Variants in NR3C2 observed in about 807,000 individuals in gnomAD.
NR3C2 encodes mineralocorticoid receptor.
Under a neutral mutation model 86.4 loss-of-function variants are expected in NR3C2, and 15 were observed. The ratio of observed to expected loss-of-function variants is 0.17; its 90% confidence interval spans 0.12 to 0.27. The LOEUF (loss-of-function observed/expected upper bound fraction) is 0.27, where lower values mean the gene tolerates loss of function less well. Among genes scored for constraint, NR3C2 ranks in the 10% least tolerant of loss-of-function variants. NR3C2 has a pLI of 1.00. For missense variants in NR3C2, 960 were observed against 1,195.6 expected, an observed-to-expected ratio of 0.80 and a Z score of 2.91; for synonymous variants, 458 against 450.5, an observed-to-expected ratio of 1.02 and a Z score of -0.21.
At chr4:148,143,531 C>T (rs1420264248) in intron 6 of NR3C2, among the ~76,000 whole-genome samples, 1 of 152,176 alleles carries the variant, frequency 6.6e-6, no homozygotes, top group East Asian at 1.9e-4. Context: ...TAGAACAGTG[C>T]TTAATACACG....
intron 2 of NR3C2, among the ~76,000 whole-genome samples, chr4:148,434,199 T>C (rs1453551054): frequency 1.3e-5 from 2 of 152,106 alleles, no homozygotes; most frequent in Non-Finnish European, 2.9e-5. Flanking sequence ...CTTTATATAG[T>C]CCATAAAGGA....
At chr4:148,418,514 TCC>T (rs61758339) in intron 2 of NR3C2, among the ~76,000 whole-genome samples, 2,783 of 152,328 alleles carry the variant, frequency 0.018, 27 homozygotes, top group Middle Eastern at 0.031. Context: ...TAGAAGAATT[TCC>T]TCTCTCTACA....
intron 3 of NR3C2, among the ~76,000 whole-genome samples, chr4:148,254,628 A>C (rs1049025851): frequency 6.6e-6 from 1 of 152,212 alleles, no homozygotes; most frequent in African/African-American, 2.4e-5. Context: ...AAAATCATAG[A>C]TATAACCTAC....
At chr4:148,372,460 T>C (rs1746465669) in intron 2 of NR3C2, among the ~76,000 whole-genome samples, 1 of 151,594 alleles carries the variant, frequency 6.6e-6, no homozygotes, top group African/African-American at 2.4e-5. Flanking sequence ...TCCCCAAAAA[T>C]GAACAGATGA....
chr4:148,234,440 G>A (rs1326690457), intron 3 of NR3C2, among the ~76,000 whole-genome samples: 1 of 152,112 alleles, frequency 6.6e-6, no homozygotes, highest in Non-Finnish European at 1.5e-5. Flanking sequence ...GGAAGGCTGA[G>A]GTGGGCAGAT....
chr4:148,209,181 T>C (rs1458549376), intron 3 of NR3C2, among the ~76,000 whole-genome samples: 1 of 150,982 alleles, frequency 6.6e-6, no homozygotes, highest in Non-Finnish European at 1.5e-5. Flanking sequence ...GAGGCAGAGG[T>C]TGCAGTGAGC....
chr4:148,424,781 G>T (rs1235301105), intron 2 of NR3C2, among the ~76,000 whole-genome samples: 1 of 152,050 alleles, frequency 6.6e-6, no homozygotes, highest in African/African-American at 2.4e-5. Context: ...TGAGGAAAAG[G>T]GTTGACCAAG....
chr4:148,352,865 T>C (rs1434313053), intron 2 of NR3C2, among the ~76,000 whole-genome samples: 1 of 152,180 alleles, frequency 6.6e-6, no homozygotes, highest in Non-Finnish European at 1.5e-5. Context: ...GATTCTTATG[T>C]AATGTGATTT....
At chr4:148,226,711 C>A (rs926407211) in intron 3 of NR3C2, among the ~76,000 whole-genome samples, 2 of 152,106 alleles carry the variant, frequency 1.3e-5, no homozygotes, top group Non-Finnish European at 2.9e-5. Flanking sequence ...GTGAAGCATG[C>A]GAGTTCCAGC....
At chr4:148,207,828 T>TAC (rs1282039574) in intron 3 of NR3C2, among the ~76,000 whole-genome samples, 1 of 152,032 alleles carries the variant, frequency 6.6e-6, no homozygotes, top group Admixed American at 6.6e-5. Context: ...TGTTTTCCTA[T>TAC]ACACACACAC....
In NR3C2 at chr4:148,372,004, C is replaced by T. The variant is rs146119510; in HGVS notation, c.1757+63100G>A. On this transcript the variant is annotated intron_variant, in intron 2 of 8. Coordinates refer to ENST00000358102, the MANE Select transcript of NR3C2 (RefSeq NM_000901.5). ...TACCAACTACAGTTGGCCTCCTAGT[C>T]AGAACAGAAATAACAAGGGATAAAC... is the stretch of plus-strand genomic sequence containing the variant. Among the ~76,000 whole-genome samples, 140 of 152,152 alleles carry T rather than the reference C, an allele frequency of 9.2e-4. No individual in the cohort carries two copies. The East Asian group carries it at 0.026, about 29-fold the overall frequency.
intron 3 of NR3C2, among the ~76,000 whole-genome samples, chr4:148,210,225 C>G (rs1234066052): frequency 1.3e-5 from 2 of 152,068 alleles, no homozygotes; most frequent in East Asian, 3.9e-4. Flanking sequence ...GAGTCTTGCT[C>G]TGTCACCCAG....
At chr4:148,390,441 T>G (rs1258349378) in intron 2 of NR3C2, among the ~76,000 whole-genome samples, 1 of 152,090 alleles carries the variant, frequency 6.6e-6, no homozygotes, top group East Asian at 1.9e-4. Flanking sequence ...GTAGCAAGAA[T>G]TCAAATGTTC....
chr4:148,435,770 G>A lies in NR3C2; in HGVS notation c.1091C>T (p.Thr364Met), dbSNP rs776434075. The change falls in exon 2 of 9, where the codon ACG (threonine) becomes ATG (methionine). Residue 364 changes from threonine (T) to methionine (M), a missense_variant. Transcript: ENST00000358102. Reference sequence around the variant, plus strand: ...GACCTCTTGAGCACCTTTCTCCTGCGTGTCTGGACTGGGAACCACATCCCG... The same window carrying A: ...GACCTCTTGAGCACCTTTCTCCTGCATGTCTGGACTGGGAACCACATCCCG... The part of the protein sequence containing the change: ...TLRDVVPSPD[T>M]QEKGAQEVPF... 5.6e-6 allele frequency: 9 copies of A among 1,614,032 alleles called. No individual in the cohort carries two copies. Among genetic ancestry groups the A allele is most frequent in the African/African-American group, 5.3e-5 (4 of 74,918 alleles).
At chr4:148,108,631 G>A (rs1731911236) in intron 8 of NR3C2, among the ~76,000 whole-genome samples, 1 of 152,094 alleles carries the variant, frequency 6.6e-6, no homozygotes, top group South Asian at 2.1e-4. Context: ...GATCCTCAGA[G>A]GCCTTCCTTC....
chr4:148,207,955 C>A (rs985912293), intron 3 of NR3C2: 1 of 152,220 alleles, frequency 6.6e-6, no homozygotes, highest in Admixed American at 6.5e-5. Flanking sequence ...TCTCTCTTCT[C>A]ATAATATCTT....
intron 8 of NR3C2, among the ~76,000 whole-genome samples, chr4:148,088,435 G>A (rs1323340765): frequency 6.6e-6 from 1 of 152,084 alleles, no homozygotes; most frequent in Non-Finnish European, 1.5e-5. Context: ...TTGCGGCACT[G>A]TTCAAAATAG....
At chr4:148,424,405 CT>C (rs1019022525) in intron 2 of NR3C2, among the ~76,000 whole-genome samples, 4 of 152,082 alleles carry the variant, frequency 2.6e-5, no homozygotes, top group Non-Finnish European at 4.4e-5. Context: ...GAAATTACCC[CT>C]ATTGTATATT....
chr4:148,153,294 C>T (rs1734190089), intron 5 of NR3C2, among the ~76,000 whole-genome samples: 1 of 152,200 alleles, frequency 6.6e-6, no homozygotes, highest in African/African-American at 2.4e-5. Flanking sequence ...TCTCCTGCCT[C>T]AGGCTCACAA....
Sources: allele counts gnomAD v4.1 joint callset (sites outside exome capture counted in the v4.1 genomes callset), GRCh38; gene constraint gnomAD v4.1.1; transcripts MANE v1.5; gene names NCBI Gene and HGNC (gene_info 2026-07-23, HGNC 2026-07-21).